KLF17: variants seen among roughly 807,000 people sequenced by gnomAD.
KLF17 encodes Krueppel-like factor 17.
Under a neutral mutation model 34.2 loss-of-function variants are expected in KLF17, and 31 were observed. That is an observed-to-expected ratio of 0.91 (90% CI 0.68 to 1.22). The LOEUF (loss-of-function observed/expected upper bound fraction) is 1.22, where lower values mean the gene tolerates loss of function less well. Among genes scored for constraint, KLF17 ranks in the 50% most tolerant of loss-of-function variants. The pLI is 0.00. For missense variants in KLF17, 478 were observed against 505.2 expected, an observed-to-expected ratio of 0.95 and a Z score of 0.52; for synonymous variants, 179 against 186.7, an observed-to-expected ratio of 0.96 and a Z score of 0.34.
chr1:44,112,205 C>T, the KLF17 span, among the ~76,000 whole-genome samples: 1 of 152,162 alleles, frequency 6.6e-6, no homozygotes, highest in Admixed American at 6.6e-5. Context: ...AATACTTGTA[C>T]CTCTGTCCTT....
At chr1:44,131,614 C>T (rs1474971221) in intron 3 of KLF17, among the ~76,000 whole-genome samples, 2 of 152,208 alleles carry the variant, frequency 1.3e-5, no homozygotes, top group Non-Finnish European at 2.9e-5. Context: ...CTTCCCACCA[C>T]TTTACAGACT....
the KLF17 span, chr1:44,052,333 G>A: frequency 1.3e-5 from 2 of 152,220 alleles, no homozygotes; most frequent in Non-Finnish European, 2.9e-5. Context: ...TCTTGCTTAA[G>A]CCCTCTTGGT....
chr1:44,128,507 C>T (rs2088055431), intron 1 of KLF17, among the ~76,000 whole-genome samples: 2 of 152,160 alleles, frequency 1.3e-5, no homozygotes, highest in South Asian at 4.1e-4. Context: ...GTTTTTTTCA[C>T]ATCTGCCTTT....
rs193272291 is a variant in KLF17 at position 44,120,504 on chromosome 1, G to C, written c.81+1516G>C. On this transcript the variant is annotated intron_variant, in intron 1 of 3. Transcript: ENST00000372299. ...AAGGGTGTGGCCAGTGGTCGTATAA[G>C]CTCCTGAGAGTTCAAGCGAGGAGTC... is the stretch of plus-strand genomic sequence containing the variant. 1.4e-4 allele frequency among the ~76,000 whole-genome samples: 21 copies of C among 152,342 alleles called. 1 individual carries two copies. Among genetic ancestry groups the C allele is most frequent in the Admixed American group, 1.1e-3 (17 of 15,302 alleles).
At chr1:44,092,275 G>T in the KLF17 span, among the ~76,000 whole-genome samples, 1 of 151,718 alleles carries the variant, frequency 6.6e-6, no homozygotes, top group African/African-American at 2.4e-5. Flanking sequence ...CCGGGAGGCT[G>T]ATGATGCGGT....
At chr1:44,065,054 T>C in the KLF17 span, among the ~76,000 whole-genome samples, 5 of 152,114 alleles carry the variant, frequency 3.3e-5, no homozygotes, top group African/African-American at 1.2e-4. Flanking sequence ...TTTGGGAGGC[T>C]GAGGCGGGCG....
the KLF17 span, among the ~76,000 whole-genome samples, chr1:44,070,902 TA>T: frequency 6.6e-6 from 1 of 152,146 alleles, no homozygotes; most frequent in African/African-American, 2.4e-5. Context: ...AAGTTTATTT[TA>T]ATTTTAACAT....
upstream of KLF17, chr1:44,115,035 A>G (rs1188360760): frequency 6.6e-6 from 1 of 152,244 alleles, no homozygotes; most frequent in Non-Finnish European, 1.5e-5. Context: ...CCAAGTTTAC[A>G]CTGTAGATTC....
At chr1:44,091,961 A>ACACTCTCTCT in the KLF17 span, among the ~76,000 whole-genome samples, 130 of 116,546 alleles carry the variant, frequency 1.1e-3, no homozygotes, top group African/African-American at 3.3e-3. Flanking sequence ...ACACACACAC[A>ACACTCTCTCT]CTCTCTCTCT....
chr1:44,129,325 A>G, intron 1 of KLF17, 28 bp from the exon 2 acceptor site: 1 of 1,506,250 alleles, frequency 6.6e-7, no homozygotes, highest in Admixed American at 2.3e-5. Context: ...GAATTTGAGC[A>G]AAAATCACCT....
chr1:44,079,337 G>A, the KLF17 span, among the ~76,000 whole-genome samples: 1 of 139,326 alleles, frequency 7.2e-6, no homozygotes, highest in African/African-American at 2.7e-5. Context: ...GTCTTGCTCT[G>A]TTGCCCAGGT....
At chr1:44,072,168 G>A in the KLF17 span, among the ~76,000 whole-genome samples, 2 of 147,024 alleles carry the variant, frequency 1.4e-5, no homozygotes, top group African/African-American at 5.0e-5. Flanking sequence ...AGGAACCCAG[G>A]TTTTTTTTTT....
At chr1:44,086,569 CT>C in the KLF17 span, among the ~76,000 whole-genome samples, 1 of 152,130 alleles carries the variant, frequency 6.6e-6, no homozygotes, top group Non-Finnish European at 1.5e-5. Flanking sequence ...AAAGCTTAGC[CT>C]TTGCCTTTTT....
At position 44,122,123 on chromosome 1, in the gene KLF17, A is replaced by G. The variant is rs2087953038; in HGVS notation, c.81+3135A>G. 6.8e-6 allele frequency: 9 copies of G among 1,332,362 alleles called. No homozygotes were observed. The South Asian group carries it at 9.6e-5, about 14-fold the overall frequency. 82.5% of individuals were successfully genotyped at this position (1,332,362 alleles called of 1,614,324 possible). A position where few individuals can be genotyped will look rare whatever the true frequency, so the allele number is the denominator to read the frequency against. On this transcript the variant is annotated intron_variant, in intron 1 of 3. Coordinates refer to ENST00000372299, the MANE Select transcript of KLF17 (RefSeq NM_173484.4). ...GTACAAAAAATATCCCAAATCCCGT[A>G]TGACTTTGAAACAGTAATCCTGAGA...
At chr1:44,063,918 G>GC in the KLF17 span, among the ~76,000 whole-genome samples, 1 of 152,178 alleles carries the variant, frequency 6.6e-6, no homozygotes, top group Non-Finnish European at 1.5e-5. Flanking sequence ...GGAAGCCAGA[G>GC]CCAACTCTGG....
Position 44,127,639 on chromosome 1 carries a change from C to CTTCTTTCTTTCT in KLF17, c.82-1671_82-1660dup, listed in dbSNP as rs34643385. ...CTTTTCTTTTCTTTTCTTTTCTTTC[C>CTTCTTTCTTTCT]TTCTTTCTTTCTTTCTTTCTTTCTT... On this transcript the variant is annotated intron_variant, in intron 1 of 3. Transcript: ENST00000372299. Among the ~76,000 whole-genome samples the CTTCTTTCTTTCT allele has an allele frequency of 2.2e-3, 172 of 77,392 alleles. 2 individuals carry two copies. The highest frequency in any genetic ancestry group is 7.9e-3 in the African/African-American group (155 of 19,626). 50.8% of individuals were successfully genotyped at this position (77,392 alleles called of 152,430 possible). A position where few individuals can be genotyped will look rare whatever the true frequency, so the allele number is the denominator to read the frequency against.
chr1:44,091,650 A>G, the KLF17 span, among the ~76,000 whole-genome samples: 1 of 151,162 alleles, frequency 6.6e-6, no homozygotes, highest in South Asian at 2.1e-4. Flanking sequence ...AAAAAAAAAA[A>G]AAAAAGAAGA....
At chr1:44,130,428 C>A in intron 2 of KLF17, 84 bp from the exon 3 acceptor site, 1 of 1,559,416 alleles carries the variant, frequency 6.4e-7, no homozygotes, top group East Asian at 2.2e-5. Flanking sequence ...TTTGAATCCT[C>A]AACCTGGACT....
chr1:44,070,481 A>G, the KLF17 span, among the ~76,000 whole-genome samples: 1 of 151,508 alleles, frequency 6.6e-6, no homozygotes, highest in Non-Finnish European at 1.5e-5. Flanking sequence ...TTCACTTAGG[A>G]TAATGGCCTC....
Sources: allele counts gnomAD v4.1 joint callset (sites outside exome capture counted in the v4.1 genomes callset), GRCh38; gene constraint gnomAD v4.1.1; transcripts MANE v1.5; gene names NCBI Gene and HGNC (gene_info 2026-07-23, HGNC 2026-07-21).